CHM: variants seen among roughly 807,000 people sequenced by gnomAD.
CHM encodes CHM Rab escort protein.
A neutral mutation model predicts 49.0 loss-of-function variants in CHM; 10 were observed. That is an observed-to-expected ratio of 0.20 (90% CI 0.13 to 0.35). The LOEUF (loss-of-function observed/expected upper bound fraction) is 0.35, where lower values mean the gene tolerates loss of function less well. Ranked by LOEUF, CHM falls within the 10% of genes least tolerant of loss-of-function variation. CHM has a pLI of 1.00. For synonymous variants in CHM, 184 were observed against 167.5 expected, an observed-to-expected ratio of 1.10 and a Z score of -0.76; for missense variants, 455 against 478.4, an observed-to-expected ratio of 0.95 and a Z score of 0.46.
At chrX:86,029,612 C>T (rs1933964047) in intron 1 of CHM, among the ~76,000 whole-genome samples, 1 of 111,739 alleles carries the variant, frequency 8.9e-6, no homozygotes, top group African/African-American at 3.2e-5. Flanking sequence ...GGTTAAATAA[C>T]TTGCCAAATA....
At chrX:85,882,033 T>C (rs989149531) in intron 12 of CHM, among the ~76,000 whole-genome samples, 15 of 111,534 alleles carry the variant, frequency 1.3e-4, no homozygotes, top group African/African-American at 4.6e-4. Flanking sequence ...CTGAATACAT[T>C]TAAATGACTG....
rs1444964030 is a variant in CHM at position 85,963,785 on chromosome X, T to C, written c.582A>G (p.Glu194=). 9 of 1,212,116 alleles carry C rather than the reference T, an allele frequency of 7.4e-6. No homozygotes were observed. The Admixed American group carries it at 1.7e-4, about 23-fold the overall frequency. ...CTATAGGCACATTTTCACTCATGTC[T>C]TCTGCTGAAGTTGATGGCACACAAG... is the stretch of plus-strand genomic sequence containing the variant. ...DKTCVPSTSA[E]DMSENVPIAE... The change falls in exon 5 of 15, where the codon GAA becomes GAG. Residue 194 remains glutamate, a synonymous_variant. Coordinates refer to ENST00000357749, the MANE Select transcript of CHM (RefSeq NM_000390.4).
intron 4 of CHM, 129 bp from the exon 5 acceptor site, chrX:85,964,181 A>G: frequency 1.8e-6 from 1 of 560,473 alleles, no homozygotes; most frequent in Non-Finnish European, 2.7e-6. Flanking sequence ...GTTTCAGTAA[A>G]ATATGAAACA....
chrX:85,883,716 T>C (rs927245268), intron 12 of CHM, among the ~76,000 whole-genome samples: 1 of 111,193 alleles, frequency 9.0e-6, no homozygotes, highest in East Asian at 2.8e-4. Context: ...ATAAAAGGTA[T>C]ATAGCATTTT....
intron 8 of CHM, among the ~76,000 whole-genome samples, chrX:85,950,535 T>C (rs927323627): frequency 9.1e-6 from 1 of 110,006 alleles, no homozygotes; most frequent in African/African-American, 3.3e-5. Flanking sequence ...ATAGCAAATA[T>C]GAAAAAGATA....
chrX:85,970,462 A>G, intron 4 of CHM: 1 of 752,844 alleles, frequency 1.3e-6, no homozygotes, highest in Non-Finnish European at 1.6e-6. Flanking sequence ...CTTGATGTGC[A>G]TACATGTGTT....
intron 12 of CHM, among the ~76,000 whole-genome samples, chrX:85,880,124 C>T (rs1037822215): frequency 1.8e-5 from 2 of 110,583 alleles, no homozygotes; most frequent in Admixed American, 9.7e-5. Context: ...TAGGTTTTTC[C>T]CTCCCAGGTC....
At chrX:85,939,509 AT>A (rs1380465817) in intron 8 of CHM, among the ~76,000 whole-genome samples, 4 of 112,385 alleles carry the variant, frequency 3.6e-5, no homozygotes, top group Non-Finnish European at 7.5e-5. Flanking sequence ...AGCCATCTAA[AT>A]TTCTTTAAAG....
At chrX:85,867,136 T>A (rs780936541) in intron 14 of CHM, among the ~76,000 whole-genome samples, 1 of 111,699 alleles carries the variant, frequency 9.0e-6, no homozygotes, top group Non-Finnish European at 1.9e-5. Context: ...CAAATCTCAT[T>A]TGCAATTGTA....
chrX:86,005,695 C>A (rs1039554410), intron 2 of CHM, among the ~76,000 whole-genome samples: 22 of 111,674 alleles, frequency 2.0e-4, no homozygotes, highest in Admixed American at 1.9e-3. Context: ...CACATACACT[C>A]TCTCAAGACT....
chrX:85,932,980 T>C (rs1444466524), intron 8 of CHM, among the ~76,000 whole-genome samples: 2 of 111,353 alleles, frequency 1.8e-5, no homozygotes, highest in Non-Finnish European at 3.8e-5. Flanking sequence ...TCATGGAAGG[T>C]AGAAACACTC....
chrX:85,982,462 C>T (rs918180950), intron 2 of CHM, among the ~76,000 whole-genome samples: 4 of 112,206 alleles, frequency 3.6e-5, no homozygotes, highest in South Asian at 7.5e-4. Flanking sequence ...CACTAATAAC[C>T]GGGTGAGCTA....
At chrX:86,007,697 C>T (rs1040150208) in intron 2 of CHM, among the ~76,000 whole-genome samples, 13 of 112,317 alleles carry the variant, frequency 1.2e-4, no homozygotes, top group African/African-American at 4.2e-4. Flanking sequence ...CAAATCAAAA[C>T]CACAATGAGG....
intron 8 of CHM, among the ~76,000 whole-genome samples, chrX:85,944,879 C>T (rs996815578): frequency 7.2e-5 from 8 of 111,785 alleles, no homozygotes; most frequent in African/African-American, 2.6e-4. Flanking sequence ...TGGAATCAAC[C>T]CAAATGCTCA....
At chrX:86,009,245 A>G (rs1932956007) in intron 2 of CHM, among the ~76,000 whole-genome samples, 1 of 112,472 alleles carries the variant, frequency 8.9e-6, no homozygotes, top group Non-Finnish European at 1.9e-5. Context: ...AATCTCCCAT[A>G]TGGTCAATGA....
rs1167691945 is a variant in CHM, at chrX:86,026,102, C to CTTTTT, written c.116+1384_116+1388dup. On this transcript the variant is annotated intron_variant, in intron 2 of 14. Coordinates refer to ENST00000357749, the MANE Select transcript of CHM (RefSeq NM_000390.4). ...CTGGGCTTTCAAGGTAGCAGATTTTCTTTTTTTTTTTTTTTTTTTTTTTTT... is the reference window on the plus strand; with the variant it reads ...CTGGGCTTTCAAGGTAGCAGATTTTCTTTTTTTTTTTTTTTTTTTTTTTTTTTTTT... Among the ~76,000 whole-genome samples the CTTTTT allele has an allele frequency of 5.6e-4, 15 of 26,761 alleles. 6 individuals are homozygous for CTTTTT. Among genetic ancestry groups the CTTTTT allele is most frequent in the Non-Finnish European group, 6.8e-4 (9 of 13,232 alleles). The allele number at this position is 26,761 out of a possible 115,157, so 23.2% of individuals were successfully genotyped here.
chrX:85,997,836 G>A (rs1454988197), intron 2 of CHM, among the ~76,000 whole-genome samples: 2 of 111,083 alleles, frequency 1.8e-5, no homozygotes, highest in Non-Finnish European at 3.8e-5. Context: ...TGTAATCCTA[G>A]CTACTGGGGA....
intron 8 of CHM, among the ~76,000 whole-genome samples, chrX:85,953,548 A>G (rs1340253783): frequency 8.9e-6 from 1 of 111,870 alleles, no homozygotes; most frequent in Non-Finnish European, 1.9e-5. Context: ...TCACCAAAAC[A>G]GCATGGTACT....
intron 2 of CHM, chrX:86,019,804 G>C (rs1198249182): frequency 9.0e-6 from 1 of 111,657 alleles, no homozygotes; most frequent in Non-Finnish European, 1.9e-5. Flanking sequence ...GTTAGAAATG[G>C]GGAAAAGGCC....
Sources: gnomAD v4.1 joint callset for allele counts (sites outside exome capture counted in the v4.1 genomes callset) on GRCh38, gnomAD v4.1.1 for gene constraint, MANE v1.5 for transcripts, NCBI Gene and HGNC (gene_info 2026-07-23, HGNC 2026-07-21) for gene names.